The following RPAP2 variants were observed in gnomAD, a reference collection of about 807,000 sequenced individuals.
RPAP2 encodes RNA polymerase II associated protein 2.
A neutral mutation model predicts 73.1 loss-of-function variants in RPAP2; 52 were observed. The observed-to-expected ratio is 0.71, with a 90% CI of 0.57 to 0.90. The LOEUF is 0.90. Among genes scored for constraint, RPAP2 ranks in the 40% least tolerant of loss-of-function variants. RPAP2 has a pLI of 0.00. For missense variants in RPAP2, 598 were observed against 701.8 expected, an observed-to-expected ratio of 0.85 and a Z score of 1.67; for synonymous variants, 225 against 242.1, an observed-to-expected ratio of 0.93 and a Z score of 0.65.
chr1:92,323,877 C>T lies in RPAP2; in HGVS notation c.957C>T (p.Tyr319=). The change falls in exon 8 of 13, where the codon TAC becomes TAT. Residue 319 remains tyrosine, a synonymous_variant. Transcript: ENST00000610020. ...CGTCAGAAAATTCTGAAAGTGAATACAGTAGGTCAGAAATAACTCTAGTAG... is the reference window on the plus strand; with the variant it reads ...CGTCAGAAAATTCTGAAAGTGAATATAGTAGGTCAGAAATAACTCTAGTAG... ...LKASENSESE[Y]SRSEITLVGI... 1 of 1,614,020 alleles carries T rather than the reference C, an allele frequency of 6.2e-7. No homozygotes were observed. The highest frequency in any genetic ancestry group is 8.5e-7 in the Non-Finnish European group (1 of 1,179,936).
chr1:92,356,997 C>G (rs376863645), intron 11 of RPAP2, among the ~76,000 whole-genome samples: 86 of 151,344 alleles, frequency 5.7e-4, no homozygotes, highest in South Asian at 2.3e-3. Context: ...ACTCAGGAAG[C>G]AGAGGTTGCA....
chr1:92,377,755 T>C (rs560845635), intron 11 of RPAP2, among the ~76,000 whole-genome samples: 3 of 152,308 alleles, frequency 2.0e-5, no homozygotes, highest in African/African-American at 7.2e-5. Flanking sequence ...ATTATGTCCT[T>C]GCTCTCCTTT....
intron 6 of RPAP2, among the ~76,000 whole-genome samples, chr1:92,317,626 T>C (rs1035380735): frequency 4.4e-4 from 67 of 152,292 alleles, no homozygotes; most frequent in African/African-American, 1.5e-3. Context: ...ATGGTGGCGA[T>C]AGTTGCACAA....
intron 12 of RPAP2, among the ~76,000 whole-genome samples, chr1:92,384,623 C>CAA (rs1253563939): frequency 5.5e-4 from 55 of 99,712 alleles, no homozygotes; most frequent in African/African-American, 2.0e-3. Context: ...AACTCCATCT[C>CAA]AAAAAAAAAA....
rs1263397825 is a variant in RPAP2 at position 92,399,596 on chromosome 1, T to G, written c.*12585T>G. 3.3e-5 allele frequency: 5 copies of G among 152,174 alleles called. No individual in the cohort carries two copies. The highest frequency in any genetic ancestry group is 7.3e-5 in the Non-Finnish European group (5 of 68,030). The allele number at this position is 152,174 out of a possible 1,614,324, so 9.4% of individuals were successfully genotyped here. ...TGTTTTGAAGTTGACACATATAATT[T>G]AATGTAGTTTCATGTCATAAGTTAT... On this transcript the variant is annotated 3_prime_UTR_variant, in exon 13 of 13. Transcript: ENST00000610020.
At chr1:92,322,435 T>C (rs1652333055) in intron 7 of RPAP2, among the ~76,000 whole-genome samples, 1 of 151,138 alleles carries the variant, frequency 6.6e-6, no homozygotes, top group Non-Finnish European at 1.5e-5. Flanking sequence ...TCCCAGCTAC[T>C]TGGGAGGCTG....
chr1:92,354,133 C>T (rs1360124604), intron 11 of RPAP2, among the ~76,000 whole-genome samples: 1 of 152,064 alleles, frequency 6.6e-6, no homozygotes, highest in East Asian at 1.9e-4. Flanking sequence ...CAAATCACAG[C>T]CTTGATTTTA....
chr1:92,384,235 C>G lies in RPAP2; in HGVS notation c.*-2776C>G, dbSNP rs555478384. Among the ~76,000 whole-genome samples, 3 of 151,992 alleles carry G rather than the reference C, an allele frequency of 2.0e-5. No homozygotes were observed. In the South Asian group the frequency reaches 6.2e-4, roughly 32 times the overall value. The stretch of plus-strand genomic sequence containing the variant: ...CCTCCCAAAGTGCTGGGATTACAAG[C>G]GTGAGCCACCGTGCCTGGCCTATAA... On this transcript the variant is annotated intron_variant, in intron 12 of 12. Transcript: ENST00000610020.
At chr1:92,379,683 C>G (rs1335471672) in intron 11 of RPAP2, among the ~76,000 whole-genome samples, 3 of 152,006 alleles carry the variant, frequency 2.0e-5, no homozygotes, top group Non-Finnish European at 2.9e-5. Context: ...GCTTGTAATC[C>G]CAGCACTTTG....
At chr1:92,318,739 C>T (rs767647306) in intron 6 of RPAP2, among the ~76,000 whole-genome samples, 3 of 152,016 alleles carry the variant, frequency 2.0e-5, no homozygotes, top group Non-Finnish European at 2.9e-5. Context: ...TGTATTCTGC[C>T]TCCTTTGAGA....
chr1:92,367,121 C>T (rs1654965225), intron 11 of RPAP2, among the ~76,000 whole-genome samples: 1 of 152,104 alleles, frequency 6.6e-6, no homozygotes, highest in Non-Finnish European at 1.5e-5. Flanking sequence ...CCAGTATGAC[C>T]CTCAATAATT....
At chr1:92,314,103 A>G (rs1275975507) in intron 6 of RPAP2, among the ~76,000 whole-genome samples, 1 of 152,198 alleles carries the variant, frequency 6.6e-6, no homozygotes, top group Non-Finnish European at 1.5e-5. Context: ...TTTTGTGTTC[A>G]CTGGACTAGC....
chr1:92,345,735 T>A (rs894207144), intron 10 of RPAP2, 111 bp from the exon 11 acceptor site: 9 of 644,362 alleles, frequency 1.4e-5, no homozygotes, highest in Admixed American at 8.6e-5. Flanking sequence ...ACAAGTATTT[T>A]AAAAAAAAGT....
chr1:92,321,427 T>G (rs1445129391), intron 7 of RPAP2, among the ~76,000 whole-genome samples: 1 of 152,110 alleles, frequency 6.6e-6, no homozygotes, highest in Admixed American at 6.5e-5. Context: ...TTCATCTTTT[T>G]TCTTCATTCC....
chr1:92,299,503 C>G (rs1650633568), intron 1 of RPAP2, among the ~76,000 whole-genome samples: 1 of 152,134 alleles, frequency 6.6e-6, no homozygotes, highest in East Asian at 1.9e-4. Context: ...GTCCTCCTTT[C>G]CAGATTGCTT....
At chr1:92,378,590 G>C (rs1655489621) in intron 11 of RPAP2, among the ~76,000 whole-genome samples, 1 of 152,102 alleles carries the variant, frequency 6.6e-6, no homozygotes, top group Non-Finnish European at 1.5e-5. Context: ...GGACTTCTTG[G>C]TTTTATTTTA....
intron 6 of RPAP2, among the ~76,000 whole-genome samples, chr1:92,318,137 C>A (rs954384318): frequency 2.6e-5 from 4 of 152,186 alleles, no homozygotes; most frequent in African/African-American, 4.8e-5. Flanking sequence ...TCCTCTTAAA[C>A]AATTGTAGAT....
chr1:92,319,465 T>G (rs749864759), intron 6 of RPAP2, among the ~76,000 whole-genome samples: 6 of 152,118 alleles, frequency 3.9e-5, no homozygotes, highest in Non-Finnish European at 7.4e-5. Context: ...GCATTTTTCT[T>G]CTACTAAATT....
chr1:92,352,686 G>T (rs961626733), intron 11 of RPAP2, among the ~76,000 whole-genome samples: 8 of 152,080 alleles, frequency 5.3e-5, no homozygotes, highest in Admixed American at 1.3e-4. Flanking sequence ...GTTTAAAGTT[G>T]AGATAAAATT....
Sources: gnomAD v4.1 joint callset for allele counts (sites outside exome capture counted in the v4.1 genomes callset) on GRCh38, gnomAD v4.1.1 for gene constraint, MANE v1.5 for transcripts, NCBI Gene and HGNC (gene_info 2026-07-23, HGNC 2026-07-21) for gene names.